ARB2A: variants seen among roughly 807,000 people sequenced by gnomAD.
ARB2A encodes ARB2 cotranscriptional regulator A.
the ARB2A span, among the ~76,000 whole-genome samples, chr5:93,908,190 A>G: frequency 6.6e-6 from 1 of 151,224 alleles, no homozygotes; most frequent in Non-Finnish European, 1.5e-5. Context: ...TTTAAATTGC[A>G]TAAGAAAATA....
At chr5:94,086,554 T>C in the ARB2A span, among the ~76,000 whole-genome samples, 3 of 152,184 alleles carry the variant, frequency 2.0e-5, no homozygotes, top group Non-Finnish European at 4.4e-5. Flanking sequence ...ACTATGTGTT[T>C]GGTTTTTGTT....
the ARB2A span, among the ~76,000 whole-genome samples, chr5:93,630,495 C>T: frequency 6.6e-6 from 1 of 152,154 alleles, no homozygotes; most frequent in Non-Finnish European, 1.5e-5. Flanking sequence ...AAGAAAGACA[C>T]AAAATCAGCA....
the ARB2A span, among the ~76,000 whole-genome samples, chr5:94,000,270 T>C: frequency 1.3e-5 from 2 of 152,094 alleles, no homozygotes; most frequent in Non-Finnish European, 2.9e-5. Context: ...ACATTTTGCA[T>C]TCTTACCAGC....
the ARB2A span, among the ~76,000 whole-genome samples, chr5:93,719,300 T>C: frequency 1.3e-5 from 2 of 152,238 alleles, no homozygotes; most frequent in Non-Finnish European, 2.9e-5. Flanking sequence ...TATTTAATTC[T>C]GTCTGAATTA....
the ARB2A span, among the ~76,000 whole-genome samples, chr5:94,029,308 A>G: frequency 6.6e-6 from 1 of 152,092 alleles, no homozygotes; most frequent in Non-Finnish European, 1.5e-5. Flanking sequence ...TGGTCTTCAT[A>G]TCTCCTTAAT....
chr5:94,038,584 C>A, the ARB2A span, among the ~76,000 whole-genome samples: 1 of 151,840 alleles, frequency 6.6e-6, no homozygotes, highest in Admixed American at 6.6e-5. Context: ...GCACTGCATT[C>A]TAAAAAACAA....
chr5:93,879,021 A>G, the ARB2A span, among the ~76,000 whole-genome samples: 7 of 152,246 alleles, frequency 4.6e-5, no homozygotes, highest in Admixed American at 2.6e-4. Context: ...CAAAGAATAG[A>G]AGATAATTTC....
the ARB2A span, among the ~76,000 whole-genome samples, chr5:94,040,570 T>G: frequency 6.8e-6 from 1 of 147,894 alleles, no homozygotes; most frequent in African/African-American, 2.5e-5. Context: ...GTTCTCATTG[T>G]TCAATTCCCA....
At chr5:93,955,812 T>C in the ARB2A span, among the ~76,000 whole-genome samples, 29 of 152,096 alleles carry the variant, frequency 1.9e-4, no homozygotes, top group Admixed American at 9.8e-4. Flanking sequence ...GCCAGGACCC[T>C]GTGCTCACTC....
chr5:94,108,387 T>A, the ARB2A span, among the ~76,000 whole-genome samples: 6 of 152,036 alleles, frequency 3.9e-5, no homozygotes, highest in African/African-American at 7.2e-5. Context: ...TTTTTTTTTT[T>A]AATTTCTAAG....
At chr5:93,983,312 G>T in the ARB2A span, among the ~76,000 whole-genome samples, 2 of 151,504 alleles carry the variant, frequency 1.3e-5, no homozygotes, top group African/African-American at 4.9e-5. Context: ...GAAAGTACAA[G>T]ATAAATCTAA....
chr5:93,807,383 A>C, the ARB2A span, among the ~76,000 whole-genome samples: 1 of 152,084 alleles, frequency 6.6e-6, no homozygotes, highest in South Asian at 2.1e-4. Flanking sequence ...TTCACCTATA[A>C]TTGATATATA....
At chr5:93,683,064 G>C in the ARB2A span, 4 of 1,562,902 alleles carry the variant, frequency 2.6e-6, no homozygotes, top group Non-Finnish European at 3.5e-6. Context: ...TTTGATCTTG[G>C]TGTTGATGGT....
At chr5:93,758,412 C>T in the ARB2A span, among the ~76,000 whole-genome samples, 19,891 of 152,096 alleles carry the variant, frequency 0.13, 1,867 homozygotes, top group African/African-American at 0.26. Context: ...CAGATATATA[C>T]GGAACATTTC....
At chr5:93,895,030 A>G in the ARB2A span, among the ~76,000 whole-genome samples, 2 of 152,196 alleles carry the variant, frequency 1.3e-5, no homozygotes, top group African/African-American at 4.8e-5. Flanking sequence ...GGGAATTGAT[A>G]ATAAAGGCAA....
the ARB2A span, among the ~76,000 whole-genome samples, chr5:93,814,557 A>G: frequency 4.6e-5 from 7 of 152,280 alleles, no homozygotes; most frequent in African/African-American, 1.7e-4. Flanking sequence ...TCTAAGACAA[A>G]TTTACTGTAT....
chr5:93,727,619 G>T, the ARB2A span, among the ~76,000 whole-genome samples: 1 of 151,902 alleles, frequency 6.6e-6, no homozygotes, highest in Non-Finnish European at 1.5e-5. Flanking sequence ...GTCTGAAAAG[G>T]CAATTGCCCA....
the ARB2A span, among the ~76,000 whole-genome samples, chr5:94,104,023 G>GTA: frequency 6.6e-6 from 1 of 151,028 alleles, no homozygotes; most frequent in African/African-American, 2.4e-5. Context: ...TCAAAGGAAA[G>GTA]TATATAGCAC....
At chr5:93,810,657 C>A in the ARB2A span, among the ~76,000 whole-genome samples, 1 of 152,050 alleles carries the variant, frequency 6.6e-6, no homozygotes, top group Non-Finnish European at 1.5e-5. Context: ...ATCCTTTCAC[C>A]TCAGCCTCCC....
Sources: allele counts gnomAD v4.1 joint callset (sites outside exome capture counted in the v4.1 genomes callset), GRCh38; gene constraint gnomAD v4.1.1; transcripts MANE v1.5; gene names NCBI Gene and HGNC (gene_info 2026-07-23, HGNC 2026-07-21).